The following DUSP1 variants were observed in gnomAD, a reference collection of about 807,000 sequenced individuals.
The protein encoded by DUSP1 is dual specificity phosphatase 1.
DUSP1 carries 10 observed loss-of-function variants against 27.4 expected under a neutral mutation model. That is an observed-to-expected ratio of 0.37 (90% confidence interval 0.23 to 0.62). The LOEUF is 0.62. Ranked by LOEUF, DUSP1 falls within the 20% of genes least tolerant of loss-of-function variation. DUSP1 has a pLI of 0.68. For missense variants in DUSP1, 425 were observed against 508.1 expected (o/e 0.84, Z 1.57); for synonymous variants, 262 against 223.6 (o/e 1.17, Z -1.53).
intron 1 of DUSP1, 130 bp downstream of exon 1, chr5:172,770,456 G>T (rs1356355855): frequency 6.6e-7 from 1 of 1,526,258 alleles, no homozygotes; most frequent in Admixed American, 2.5e-5. Context: ...CCAATGACAA[G>T]TTCCAGAGAT....
rs545541498 is a variant in DUSP1, at chr5:172,768,726, C to G, written c.*36G>C. On this transcript the variant is annotated 3_prime_UTR_variant, in exon 4 of 4. Transcript: ENST00000239223. ...TCTCCTCTCAAGGAGCATGGAGTCCCAATGGGATGTGAAGAGCCTCACCTC... is the reference window on the plus strand; with the variant it reads ...TCTCCTCTCAAGGAGCATGGAGTCCGAATGGGATGTGAAGAGCCTCACCTC... The G allele has an allele frequency of 6.0e-6, 9 of 1,493,864 alleles. No homozygotes were observed. The highest frequency in any genetic ancestry group is 1.4e-5 in the African/African-American group (1 of 71,050). 92.5% of individuals were successfully genotyped at this position (1,493,864 alleles called of 1,614,324 possible). A position where few individuals can be genotyped will look rare whatever the true frequency, so the allele number is the denominator to read the frequency against.
At position 172,769,171 on chromosome 5, in the gene DUSP1, A is replaced by G. The variant is rs766201794; in HGVS notation, c.734-39T>C. ...GGAGCGGCTGGTTACTTGAGAGTTC[A>G]GGAGAACCACCCCAAGCCCAGGTAC... On this transcript the variant is annotated intron_variant, in intron 3 of 3. Transcript: ENST00000239223. The G allele has an allele frequency of 5.7e-5, 90 of 1,571,046 alleles. 1 individual carries two copies. The South Asian group carries it at 9.1e-4, about 16-fold the overall frequency.
chr5:172,768,963 G>A lies in DUSP1; in HGVS notation c.903C>T (p.Phe301=), dbSNP rs1561676446. The A allele has an allele frequency of 2.5e-6, 4 of 1,614,248 alleles. No homozygotes were observed. Among genetic ancestry groups the A allele is most frequent in the South Asian group, 2.2e-5 (2 of 91,086 alleles). The change falls in exon 4 of 4, where the codon TTC becomes TTT. Residue 301 remains phenylalanine, a synonymous_variant. Coordinates refer to ENST00000239223, the MANE Select transcript of DUSP1 (RefSeq NM_004417.4). ...ACTCAAACTGCAGCAGCTGGCCCAT[G>A]AAGCTGAAGTTGGGAGAGATGATGC... ...RRSIISPNFS[F]MGQLLQFESQ...
rs201099793 is a variant in DUSP1 at position 172,768,781 on chromosome 5, G to A, written c.1085C>T (p.Thr362Met). 15 of 1,522,558 alleles carry A rather than the reference G, an allele frequency of 9.9e-6. No homozygotes were observed. The highest frequency in any genetic ancestry group is 6.9e-5 in the East Asian group (3 of 43,612). 94.3% of individuals were successfully genotyped at this position (1,522,558 alleles called of 1,614,324 possible). ...GGCCTTTCAGCAGCTGGGAGAGGTC[G>A]TAATGGGGCTCTGAAGGTAGCTCAG... ...SALSYLQSPI[T>M]TSPSC Residue 362 changes from threonine (T) to methionine (M), a missense_variant, in exon 4 of 4, where the codon ACG becomes ATG. Transcript: ENST00000239223.
chr5:172,770,955 C>G lies in DUSP1; in HGVS notation c.-3G>C. The G allele has an allele frequency of 6.7e-7, 1 of 1,488,936 alleles. No individual in the cohort carries two copies. The highest frequency in any genetic ancestry group is 8.9e-7 in the Non-Finnish European group (1 of 1,123,694). The allele number at this position is 1,488,936 out of a possible 1,614,324, so 92.2% of individuals were successfully genotyped here. A position where few individuals can be genotyped will look rare whatever the true frequency, so the allele number is the denominator to read the frequency against. On this transcript the variant is annotated 5_prime_UTR_variant, in exon 1 of 4. Coordinates refer to ENST00000239223, the MANE Select transcript of DUSP1 (RefSeq NM_004417.4). ...AGGGTGCCCACTTCCATGACCATGG[C>G]CGGCCTCAGCGCCCCCAGCGTGATC...
rs117012610 is a variant in DUSP1, at chr5:172,771,194, G to A, written c.-242C>T. On this transcript the variant is annotated 5_prime_UTR_variant, in exon 1 of 4. Coordinates refer to ENST00000239223, the MANE Select transcript of DUSP1 (RefSeq NM_004417.4). ...CGCACACACAGCCCAAATGTCCTTC[G>A]CAGCGAGCCTGGCCCGGGGAGCGCG... The A allele has an allele frequency of 0.034, 15,245 of 447,310 alleles. 329 individuals carry two copies. The highest frequency in any genetic ancestry group is 0.044 in the Non-Finnish European group (11,878 of 271,086). The allele number at this position is 447,310 out of a possible 1,614,324, so 27.7% of individuals were successfully genotyped here.
Position 172,770,785 on chromosome 5 carries a change from G to C in DUSP1, c.168C>G (p.Ala56=), listed in dbSNP as rs35578720. 6.3e-5 allele frequency: 94 copies of C among 1,503,142 alleles called. No homozygotes were observed. The East Asian group carries it at 1.1e-3, about 18-fold the overall frequency. 93.1% of individuals were successfully genotyped at this position (1,503,142 alleles called of 1,614,324 possible). A position where few individuals can be genotyped will look rare whatever the true frequency, so the allele number is the denominator to read the frequency against. Residue 56 remains alanine (A), a synonymous_variant, in exon 1 of 4, where the codon GCC becomes GCG. Coordinates refer to ENST00000239223, the MANE Select transcript of DUSP1 (RefSeq NM_004417.4). ...VRFSTIVRRR[A]KGAMGLEHIV... ...TGTGCTCCAGGCCCATGGCGCCCTT[G>C]GCCCGGCGCCGCACGATGGTGCTGA... is the stretch of plus-strand genomic sequence containing the variant.
At chr5:172,770,080 C>T in intron 2 of DUSP1, 81 bp downstream of exon 2, 1 of 1,508,562 alleles carries the variant, frequency 6.6e-7, no homozygotes, top group East Asian at 2.3e-5. Context: ...CTGCAGGTCA[C>T]TTTCTATATT....
chr5:172,769,038 A>T lies in DUSP1; in HGVS notation c.828T>A (p.Thr276=). The change falls in exon 4 of 4, where the codon ACT becomes ACA. Residue 276 remains threonine (T), a synonymous_variant. Transcript: ENST00000239223. ...AGGCCTCGTCCAGCTTGACTCGATTAGTCCTCATAAGGTAAGCAAGGCAGA... is the reference window on the plus strand; with the variant it reads ...AGGCCTCGTCCAGCTTGACTCGATTTGTCCTCATAAGGTAAGCAAGGCAGA... The part of the protein sequence containing the change: ...ATICLAYLMR[T]NRVKLDEAFE... 1 of 1,614,222 alleles carries T rather than the reference A, an allele frequency of 6.2e-7. No individual in the cohort carries two copies. Among genetic ancestry groups the T allele is most frequent in the South Asian group, 1.1e-5 (1 of 91,090 alleles).
rs2113423719 is a variant in DUSP1, at chr5:172,769,786, CG to C, written c.521del (p.Pro174ArgfsTer30). The C allele has an allele frequency of 6.2e-7, 1 of 1,613,768 alleles. No homozygotes were observed. The highest frequency in any genetic ancestry group is 8.5e-7 in the Non-Finnish European group (1 of 1,179,928). On this transcript the variant is annotated frameshift_variant, in exon 3 of 4. Coordinates refer to ENST00000239223, the MANE Select transcript of DUSP1 (RefSeq NM_004417.4). LOFTEE classifies it high-confidence loss of function. ...CSTPLYDQGG[P>X]VEILPFLYLG... ...GGTACAGAAAGGGCAGGATTTCCAC[CG>C]GGCCACCCTGAAATCCAGAAATATC...
In DUSP1 at chr5:172,770,691, C is replaced by G; in HGVS notation, c.262G>C (p.Glu88Gln). The G allele has an allele frequency of 7.3e-7, 1 of 1,367,562 alleles. No homozygotes were observed. Among genetic ancestry groups the G allele is most frequent in the Non-Finnish European group, 9.4e-7 (1 of 1,064,500 alleles). The allele number at this position is 1,367,562 out of a possible 1,614,324, so 84.7% of individuals were successfully genotyped here. ...GCGCCGTCCAGGGCGGCGCTGCGCTCGTCCAGCAACACCACGGCGTGGTAG... is the reference window on the plus strand; with the variant it reads ...GCGCCGTCCAGGGCGGCGCTGCGCTGGTCCAGCAACACCACGGCGTGGTAG... ...GAYHAVVLLDERSAALDGAKR... is the reference protein window; with the variant it reads ...GAYHAVVLLDQRSAALDGAKR... The change falls in exon 1 of 4, where the codon GAG (glutamate) becomes CAG (glutamine). Residue 88 changes from glutamate (E) to glutamine (Q), a missense_variant. Coordinates refer to ENST00000239223, the MANE Select transcript of DUSP1 (RefSeq NM_004417.4).
Position 172,769,058 on chromosome 5 carries a change from G to A in DUSP1, c.808C>T (p.Leu270Phe), listed in dbSNP as rs1759838218. The change falls in exon 4 of 4, where the codon CTT becomes TTT. Residue 270 changes from leucine to phenylalanine, a missense_variant. Physicochemically the swap from Leu to Phe is conservative, Grantham distance 22. Transcript: ENST00000239223. Reference sequence around the variant, plus strand: ...CGATTAGTCCTCATAAGGTAAGCAAGGCAGATGGTGGCTGACCGGGAAATG... The same window carrying A: ...CGATTAGTCCTCATAAGGTAAGCAAAGCAGATGGTGGCTGACCGGGAAATG... ...AGISRSATIC[L>F]AYLMRTNRVK... The A allele has an allele frequency of 6.2e-7, 1 of 1,614,092 alleles. No individual in the cohort carries two copies. The highest frequency in any genetic ancestry group is 1.7e-5 in the Admixed American group (1 of 60,028).
In DUSP1 at chr5:172,770,295, C is replaced by A; in HGVS notation, c.379G>T (p.Ala127Ser). The A allele has an allele frequency of 1.2e-6, 2 of 1,611,424 alleles. No individual in the cohort carries two copies. The highest frequency in any genetic ancestry group is 1.7e-4 in the Middle Eastern group (1 of 6,048). Reference protein sequence around the residue: ...QVFFLKGGYEAFSASCPELCS... With the variant: ...QVFFLKGGYESFSASCPELCS... ...AGCTCCGGGCAGGAAGCCGAAAACG[C>A]TTCGTATCCTCCTGGGAATACAAAG... Residue 127 changes from alanine to serine, a missense_variant, in exon 2 of 4, where the codon GCG (alanine) becomes TCG (serine). Coordinates refer to ENST00000239223, the MANE Select transcript of DUSP1 (RefSeq NM_004417.4).
Position 172,768,918 on chromosome 5 carries a change from G to A in DUSP1, c.948C>T (p.His316=). 4 of 1,614,120 alleles carry A rather than the reference G, an allele frequency of 2.5e-6. No homozygotes were observed. Among genetic ancestry groups the A allele is most frequent in the Non-Finnish European group, 3.4e-6 (4 of 1,179,988 alleles). ...CGGGGCTCCCAGCCTCTGCCGAACA[G>A]TGCGGAGCCAGCACCTGGGACTCAA... is the stretch of plus-strand genomic sequence containing the variant. The part of the protein sequence containing the change: ...LQFESQVLAP[H]CSAEAGSPAM... The change falls in exon 4 of 4, where the codon CAC becomes CAT. Residue 316 remains histidine, a synonymous_variant. Coordinates refer to ENST00000239223, the MANE Select transcript of DUSP1 (RefSeq NM_004417.4).
chr5:172,768,838 A>T lies in DUSP1; in HGVS notation c.1028T>A (p.Val343Asp). ...GTTCGTGGAGTGGACAGGGATGGAGACGGGGAAGTTGAACACGGTGGTGGT... is the reference window on the plus strand; with the variant it reads ...GTTCGTGGAGTGGACAGGGATGGAGTCGGGGAAGTTGAACACGGTGGTGGT... Reference protein sequence around the residue: ...TSTTTVFNFPVSIPVHSTNSA... With the variant: ...TSTTTVFNFPDSIPVHSTNSA... Residue 343 changes from valine (V) to aspartate (D), a missense_variant, in exon 4 of 4, where the codon GTC becomes GAC. Physicochemically the swap from Val to Asp is radical, Grantham distance 152. Coordinates refer to ENST00000239223, the MANE Select transcript of DUSP1 (RefSeq NM_004417.4). 1 of 1,595,784 alleles carries T rather than the reference A, an allele frequency of 6.3e-7. No individual in the cohort carries two copies. Among genetic ancestry groups the T allele is most frequent in the Non-Finnish European group, 8.5e-7 (1 of 1,169,944 alleles).
rs1477626347 is a variant in DUSP1 at position 172,769,119 on chromosome 5, A to G, written c.747T>C (p.Asn249=). 20 of 1,608,218 alleles carry G rather than the reference A, an allele frequency of 1.2e-5. 1 individual carries two copies. The highest frequency in any genetic ancestry group is 1.7e-5 in the Admixed American group (1 of 59,906). The change falls in exon 4 of 4, where the codon AAT becomes AAC. Residue 249 remains asparagine, a synonymous_variant. Transcript: ENST00000239223. ...EAIDFIDSIK[N]AGGRVFVHCQ... ...AGTGGACAAACACCCTTCCTCCAGC[A>G]TTCTTGATGGAGTCTGGAAAACCAA... is the stretch of plus-strand genomic sequence containing the variant.
intron 2 of DUSP1, 66 bp from the exon 3 acceptor site, chr5:172,769,860 CAA>C: frequency 6.5e-7 from 1 of 1,526,724 alleles, no homozygotes; most frequent in Non-Finnish European, 8.9e-7. Context: ...CCCATACCCA[CAA>C]AAACTTTCTG....
rs771383057 is a variant in DUSP1 at position 172,768,922 on chromosome 5, G to T, written c.944C>A (p.Pro315Gln). ...GCTCCCAGCCTCTGCCGAACAGTGCGGAGCCAGCACCTGGGACTCAAACTG... is the reference window on the plus strand; with the variant it reads ...GCTCCCAGCCTCTGCCGAACAGTGCTGAGCCAGCACCTGGGACTCAAACTG... Reference protein sequence around the residue: ...LLQFESQVLAPHCSAEAGSPA... With the variant: ...LLQFESQVLAQHCSAEAGSPA... The change falls in exon 4 of 4, where the codon CCG becomes CAG. Residue 315 changes from proline to glutamine, a missense_variant. Coordinates refer to ENST00000239223, the MANE Select transcript of DUSP1 (RefSeq NM_004417.4). 2 of 1,614,038 alleles carry T rather than the reference G, an allele frequency of 1.2e-6. No homozygotes were observed. Among genetic ancestry groups the T allele is most frequent in the African/African-American group, 1.3e-5 (1 of 74,942 alleles).
chr5:172,770,424 T>C (rs1427392184), intron 1 of DUSP1, 118 bp from the exon 2 acceptor site: 6 of 1,552,638 alleles, frequency 3.9e-6, no homozygotes, highest in Admixed American at 4.5e-5. Flanking sequence ...AGGCAAGTCT[T>C]TGTTTCCAGA....
Sources: gnomAD v4.1 joint callset for allele counts on GRCh38, gnomAD v4.1.1 for gene constraint, MANE v1.5 for transcripts, NCBI Gene and HGNC (gene_info 2026-07-23, HGNC 2026-07-21) for gene names.